Variants in SLC9A9 observed in about 807,000 individuals in gnomAD.
SLC9A9 encodes the protein sodium/hydrogen exchanger 9.
SLC9A9 carries 62 observed loss-of-function variants against 77.8 expected under a neutral mutation model. That is an observed-to-expected ratio of 0.80 (90% CI 0.65 to 0.98). The LOEUF (loss-of-function observed/expected upper bound fraction) is 0.98, where lower values mean the gene tolerates loss of function less well. SLC9A9 is among the 50% of genes least tolerant of loss of function. The probability of loss-of-function intolerance (pLI) is 0.00; values close to 1 mark genes in which losing one functional copy is unlikely to be tolerated. For synonymous variants in SLC9A9, 320 were observed against 283.5 expected, an observed-to-expected ratio of 1.13 and a Z score of -1.29; for missense variants, 775 against 774.9, an observed-to-expected ratio of 1.00 and a Z score of 0.00.
At chr3:143,729,744 C>A (rs1172590302) in intron 4 of SLC9A9, among the ~76,000 whole-genome samples, 3 of 152,146 alleles carry the variant, frequency 2.0e-5, no homozygotes, top group Admixed American at 2.0e-4. Context: ...AAGATTCTCA[C>A]CTTAGACATC....
chr3:143,848,443 A>G lies in SLC9A9; in HGVS notation c.-121T>C, dbSNP rs1164258323. 14 of 1,281,756 alleles carry G rather than the reference A, an allele frequency of 1.1e-5. No individual in the cohort carries two copies. Among genetic ancestry groups the G allele is most frequent in the African/African-American group, 4.4e-5 (3 of 67,802 alleles). 79.4% of individuals were successfully genotyped at this position (1,281,756 alleles called of 1,614,324 possible). A position where few individuals can be genotyped will look rare whatever the true frequency, so the allele number is the denominator to read the frequency against. On this transcript the variant is annotated 5_prime_UTR_variant, in exon 1 of 16. It removes the in-frame stop codon of an upstream open reading frame in the 5' UTR. Transcript: ENST00000316549. ...AAGAAACACTGCCACTTTAGTTGCT[A>G]CTTCACAAGCATTCTGCCCTGGCTT...
At chr3:143,787,233 CT>C (rs1298014788) in intron 4 of SLC9A9, among the ~76,000 whole-genome samples, 1 of 152,128 alleles carries the variant, frequency 6.6e-6, no homozygotes, top group East Asian at 1.9e-4. Context: ...CTCTTATTTT[CT>C]TTTTAATATA....
intron 5 of SLC9A9, chr3:143,655,592 C>A: frequency 1.0e-6 from 1 of 984,682 alleles, no homozygotes; most frequent in Non-Finnish European, 1.2e-6. Flanking sequence ...GATGTTGTAG[C>A]TAGAGAAAAA....
Position 143,835,230 on chromosome 3 carries a change from C to T in SLC9A9, c.176-3009G>A, listed in dbSNP as rs1001174874. Among the ~76,000 whole-genome samples the T allele has an allele frequency of 2.6e-5, 4 of 152,220 alleles. No individual in the cohort carries two copies. In the East Asian group the frequency reaches 7.7e-4, roughly 29 times the overall value. On this transcript the variant is annotated intron_variant, in intron 1 of 15. Transcript: ENST00000316549. ...TCTAAAGGAATGAAAATCTTTTGTGCAATGAATCTCTTTCTAGCATCTGCT... is the reference window on the plus strand; with the variant it reads ...TCTAAAGGAATGAAAATCTTTTGTGTAATGAATCTCTTTCTAGCATCTGCT...
chr3:143,399,600 A>T (rs900427899), intron 12 of SLC9A9, among the ~76,000 whole-genome samples: 4 of 152,192 alleles, frequency 2.6e-5, no homozygotes, highest in Non-Finnish European at 4.4e-5. Flanking sequence ...TTCTGAAATT[A>T]TCATGAAGAC....
At chr3:143,712,898 T>A (rs753500316) in intron 4 of SLC9A9, among the ~76,000 whole-genome samples, 8 of 152,222 alleles carry the variant, frequency 5.3e-5, no homozygotes, top group Non-Finnish European at 8.8e-5. Context: ...TAAATGGTTC[T>A]TTGTATTGGA....
chr3:143,274,708 G>T (rs758668554), intron 14 of SLC9A9, among the ~76,000 whole-genome samples: 1 of 152,092 alleles, frequency 6.6e-6, no homozygotes, highest in Non-Finnish European at 1.5e-5. Context: ...AGGACACAAA[G>T]AATCAAATGA....
chr3:143,355,797 T>A (rs560117045), intron 14 of SLC9A9, among the ~76,000 whole-genome samples: 89 of 152,316 alleles, frequency 5.8e-4, no homozygotes, highest in Admixed American at 1.1e-3. Flanking sequence ...ATGAGGAAAG[T>A]CTAATGTGGT....
intron 8 of SLC9A9, among the ~76,000 whole-genome samples, chr3:143,556,093 A>G (rs937423537): frequency 1.5e-4 from 23 of 152,354 alleles, no homozygotes; most frequent in African/African-American, 3.4e-4. Flanking sequence ...ACACAGAAAC[A>G]AATTCAAAGT....
chr3:143,391,582 T>C (rs145759655), intron 12 of SLC9A9, among the ~76,000 whole-genome samples: 2,565 of 152,198 alleles, frequency 0.017, 34 homozygotes, highest in South Asian at 0.071. Context: ...TTGCCAGCAA[T>C]GGAACAAAGC....
At chr3:143,797,145 ACT>A (rs1348937489) in intron 2 of SLC9A9, among the ~76,000 whole-genome samples, 3 of 95,380 alleles carry the variant, frequency 3.1e-5, no homozygotes, top group African/African-American at 1.4e-4. Flanking sequence ...AACAACAAAA[ACT>A]CAGTGAAATC....
At chr3:143,753,958 A>G (rs1576703467) in intron 4 of SLC9A9, among the ~76,000 whole-genome samples, 1 of 152,236 alleles carries the variant, frequency 6.6e-6, no homozygotes, top group Non-Finnish European at 1.5e-5. Context: ...GACCAAAAAT[A>G]TGTGCAATTT....
intron 4 of SLC9A9, among the ~76,000 whole-genome samples, chr3:143,705,058 GATAT>G (rs1560041026): frequency 0.069 from 2,917 of 41,984 alleles, 116 homozygotes; most frequent in African/African-American, 0.17. Flanking sequence ...TATAGATATA[GATAT>G]ATAGATATAT....
intron 11 of SLC9A9, among the ~76,000 whole-genome samples, chr3:143,481,899 C>T (rs1255203050): frequency 1.3e-5 from 2 of 152,116 alleles, no homozygotes; most frequent in East Asian, 1.9e-4. Context: ...GAAACAATGA[C>T]CTTGGTTCTT....
At chr3:143,389,911 A>T (rs2033517342) in intron 12 of SLC9A9, among the ~76,000 whole-genome samples, 1 of 152,170 alleles carries the variant, frequency 6.6e-6, no homozygotes, top group Non-Finnish European at 1.5e-5. Flanking sequence ...GGGGACATGA[A>T]GTATGTAATA....
rs35110625 is a variant in SLC9A9, at chr3:143,711,579, A to ATTT, written c.534-18275_534-18273dup. 5.2e-5 allele frequency among the ~76,000 whole-genome samples: 7 copies of ATTT among 134,196 alleles called. No homozygotes were observed. The East Asian group carries it at 1.3e-3, about 25-fold the overall frequency. 88.0% of individuals were successfully genotyped at this position (134,196 alleles called of 152,430 possible). ...CACACCTGGCTAATTTAAAAAAAAA[A>ATTT]TTTTTTTTTTTTTTTTTTTAAAGAA... On this transcript the variant is annotated intron_variant, in intron 4 of 15. Coordinates refer to ENST00000316549, the MANE Select transcript of SLC9A9 (RefSeq NM_173653.4).
intron 6 of SLC9A9, among the ~76,000 whole-genome samples, chr3:143,633,474 A>T (rs887810571): frequency 1.3e-5 from 2 of 152,140 alleles, no homozygotes; most frequent in African/African-American, 2.4e-5. Context: ...CAGGCCATAA[A>T]TTTTTTTAAA....
At chr3:143,433,920 A>G (rs981317689) in intron 12 of SLC9A9, among the ~76,000 whole-genome samples, 7 of 152,152 alleles carry the variant, frequency 4.6e-5, no homozygotes, top group Non-Finnish European at 8.8e-5. Context: ...CCAGGTTTTT[A>G]TGAGGAAGAC....
intron 9 of SLC9A9, among the ~76,000 whole-genome samples, chr3:143,496,348 C>T (rs1045283799): frequency 2.0e-5 from 3 of 152,188 alleles, no homozygotes; most frequent in Non-Finnish European, 4.4e-5. Flanking sequence ...TTGGAAGTTT[C>T]TGAGACTCCA....
Sources: allele counts gnomAD v4.1 joint callset (sites outside exome capture counted in the v4.1 genomes callset), GRCh38; gene constraint gnomAD v4.1.1; transcripts MANE v1.5; gene names NCBI Gene and HGNC (gene_info 2026-07-23, HGNC 2026-07-21).